Variants in RBFOX1 observed in about 807,000 individuals in gnomAD.
RBFOX1 encodes the protein RNA binding fox-1 homolog 1.
Under a neutral mutation model 57.7 loss-of-function variants are expected in RBFOX1, and 8 were observed. The observed-to-expected ratio is 0.14, with a 90% CI of 0.08 to 0.25. The LOEUF is 0.25. Among genes scored for constraint, RBFOX1 ranks in the 10% least tolerant of loss-of-function variants. The pLI is 1.00. For missense variants in RBFOX1, 611 were observed against 548.5 expected, an observed-to-expected ratio of 1.11 and a Z score of -1.14; for synonymous variants, 326 against 222.4, an observed-to-expected ratio of 1.47 and a Z score of -4.15.
intron 11 of RBFOX1, among the ~76,000 whole-genome samples, chr16:7,647,228 G>A (rs1219927174): frequency 6.6e-6 from 1 of 152,108 alleles, no homozygotes; most frequent in African/African-American, 2.4e-5. Context: ...AGAGTGGGTG[G>A]GCTGGAAATT....
At chr16:6,411,226 C>G (rs1276661637) in intron 2 of RBFOX1, among the ~76,000 whole-genome samples, 1 of 152,156 alleles carries the variant, frequency 6.6e-6, no homozygotes. Context: ...AAGCAGTTCT[C>G]CTGCTGGGAC....
chr16:6,904,134 C>A (rs956095888), intron 3 of RBFOX1, among the ~76,000 whole-genome samples: 1 of 152,166 alleles, frequency 6.6e-6, no homozygotes, highest in Non-Finnish European at 1.5e-5. Context: ...AGTTCGTTCT[C>A]AGATCATTTT....
intron 4 of RBFOX1, among the ~76,000 whole-genome samples, chr16:7,429,965 C>T (rs937110473): frequency 2.0e-5 from 3 of 152,200 alleles, no homozygotes; most frequent in African/African-American, 4.8e-5. Context: ...GACCTACTTA[C>T]TTTCTCCCTG....
At chr16:5,988,668 G>C (rs1274571888) in intron 4 of RBFOX1, among the ~76,000 whole-genome samples, 1 of 152,216 alleles carries the variant, frequency 6.6e-6, no homozygotes, top group Non-Finnish European at 1.5e-5. Context: ...TCATGAGTGA[G>C]CTGGAGGAAT....
At chr16:6,497,815 C>T (rs2095813866) in intron 2 of RBFOX1, among the ~76,000 whole-genome samples, 3 of 152,116 alleles carry the variant, frequency 2.0e-5, no homozygotes, top group South Asian at 4.1e-4. Context: ...TCTCAGCCTC[C>T]CAAAGTGTAG....
chr16:5,335,423 C>A (rs931143782), intron 1 of RBFOX1, among the ~76,000 whole-genome samples: 1 of 152,146 alleles, frequency 6.6e-6, no homozygotes, highest in Non-Finnish European at 1.5e-5. Context: ...CCGTCATCAG[C>A]GGGACTGGGG....
At chr16:7,355,464 C>G (rs942671298) in intron 4 of RBFOX1, among the ~76,000 whole-genome samples, 1 of 152,080 alleles carries the variant, frequency 6.6e-6, no homozygotes, top group African/African-American at 2.4e-5. Context: ...AGTGTGAGTC[C>G]GAAACCCTCC....
chr16:6,861,699 C>T (rs1247175473), intron 3 of RBFOX1, among the ~76,000 whole-genome samples: 2 of 151,792 alleles, frequency 1.3e-5, no homozygotes, highest in African/African-American at 4.8e-5. Context: ...AGGTCAAATT[C>T]GTTTTGGAAG....
chr16:7,547,652 G>T (rs1348615718), intron 5 of RBFOX1, among the ~76,000 whole-genome samples: 1 of 152,172 alleles, frequency 6.6e-6, no homozygotes, highest in African/African-American at 2.4e-5. Flanking sequence ...CCATTAAAAG[G>T]CATGTGCATT....
chr16:7,564,860 G>A (rs2091302101), intron 5 of RBFOX1, among the ~76,000 whole-genome samples: 1 of 152,140 alleles, frequency 6.6e-6, no homozygotes, highest in Non-Finnish European at 1.5e-5. Flanking sequence ...CTGTCCTCCA[G>A]CCCTTCTCCT....
At chr16:7,142,292 G>A (rs367904093) in intron 4 of RBFOX1, among the ~76,000 whole-genome samples, 8 of 152,104 alleles carry the variant, frequency 5.3e-5, no homozygotes, top group African/African-American at 1.4e-4. Context: ...CCAAAGTGGC[G>A]GGATTATGGA....
At chr16:7,306,728 A>G (rs2096197813) in intron 4 of RBFOX1, among the ~76,000 whole-genome samples, 1 of 152,184 alleles carries the variant, frequency 6.6e-6, no homozygotes, top group Admixed American at 6.5e-5. Flanking sequence ...TGTAAGTGAT[A>G]TACCTGGAGT....
At chr16:7,457,740 A>G (rs977852400) in intron 4 of RBFOX1, among the ~76,000 whole-genome samples, 1 of 151,992 alleles carries the variant, frequency 6.6e-6, no homozygotes, top group Non-Finnish European at 1.5e-5. Flanking sequence ...ACATCTAAAA[A>G]CGTTTATCTT....
At chr16:6,169,180 C>T (rs2096940122) in intron 1 of RBFOX1, among the ~76,000 whole-genome samples, 1 of 152,148 alleles carries the variant, frequency 6.6e-6, no homozygotes, top group Non-Finnish European at 1.5e-5. Context: ...AACATGATCA[C>T]TGACCTTTAG....
intron 3 of RBFOX1, among the ~76,000 whole-genome samples, chr16:6,816,046 C>T (rs1048269700): frequency 6.6e-6 from 1 of 152,184 alleles, no homozygotes; most frequent in Non-Finnish European, 1.5e-5. Flanking sequence ...AGCAATGGCT[C>T]ATGCGTGTCC....
At chr16:7,091,838 G>C (rs1199808914) in intron 4 of RBFOX1, among the ~76,000 whole-genome samples, 1 of 152,196 alleles carries the variant, frequency 6.6e-6, no homozygotes, top group Non-Finnish European at 1.5e-5. Context: ...CTGATTTGTA[G>C]ATTCTATGTG....
intron 1 of RBFOX1, among the ~76,000 whole-genome samples, chr16:6,316,572 A>G (rs764013135): frequency 2.6e-5 from 4 of 152,228 alleles, no homozygotes; most frequent in Non-Finnish European, 4.4e-5. Flanking sequence ...CCATAATGAT[A>G]TATCTGAAAT....
At chr16:7,059,093 A>C (rs1257672739) in intron 4 of RBFOX1, among the ~76,000 whole-genome samples, 1 of 152,184 alleles carries the variant, frequency 6.6e-6, no homozygotes, top group Non-Finnish European at 1.5e-5. Flanking sequence ...ATTGCTAATG[A>C]TCTTCTTGGC....
chr16:6,428,709 T>TATTC (rs1364339735), intron 2 of RBFOX1, among the ~76,000 whole-genome samples: 1 of 152,240 alleles, frequency 6.6e-6, no homozygotes, highest in African/African-American at 2.4e-5. Flanking sequence ...GTGAGAAGAA[T>TATTC]ATTCACTGGG....
Sources: allele counts gnomAD v4.1 joint callset (sites outside exome capture counted in the v4.1 genomes callset), GRCh38; gene constraint gnomAD v4.1.1; transcripts MANE v1.5; gene names NCBI Gene and HGNC (gene_info 2026-07-23, HGNC 2026-07-21).